Variants in CTNS observed in about 807,000 individuals in gnomAD.
The protein encoded by CTNS is cystinosin, lysosomal cystine transporter.
A neutral mutation model predicts 43.7 loss-of-function variants in CTNS; 27 were observed. That is an observed-to-expected ratio of 0.62 (90% CI 0.46 to 0.85). The LOEUF is 0.85. CTNS is among the 40% of genes least tolerant of loss of function. The pLI, the probability that CTNS is intolerant of heterozygous loss-of-function variation, is 0.00. For missense variants in CTNS, 457 were observed against 475.4 expected, an observed-to-expected ratio of 0.96 and a Z score of 0.36; for synonymous variants, 187 against 190.6, an observed-to-expected ratio of 0.98 and a Z score of 0.16.
rs1325554729 is a variant in CTNS, at chr17:3,656,711, C to T, written c.597C>T (p.Asn199=). 2.5e-6 allele frequency: 4 copies of T among 1,613,282 alleles called. No individual in the cohort carries two copies. The highest frequency in any genetic ancestry group is 3.4e-6 in the Non-Finnish European group (4 of 1,179,932). The change falls in exon 9 of 12, where the codon AAC becomes AAT. Residue 199 remains asparagine (N), a synonymous_variant. Transcript: ENST00000046640. ...QFLLKYPNGV[N]PVNSNDVFFS... is the part of the protein sequence containing the mutation. Reference sequence around the variant, plus strand: ...TCCTCAAATACCCCAACGGAGTGAACCCCGTGAACAGCAACGACGTCTTCT... The same window carrying T: ...TCCTCAAATACCCCAACGGAGTGAATCCCGTGAACAGCAACGACGTCTTCT...
Position 3,660,375 on chromosome 17 carries a change from A to AG in CTNS, c.*9dup. The AG allele has an allele frequency of 1.9e-6, 3 of 1,614,164 alleles. No homozygotes were observed. The highest frequency in any genetic ancestry group is 2.5e-6 in the Non-Finnish European group (3 of 1,180,044). ...GGTATGACCAGCTGAACTAGCACCC[A>AG]GGGACCCAGTGTACCCAGCCTCTGG... On this transcript the variant is annotated 3_prime_UTR_variant, in exon 12 of 12. Coordinates refer to ENST00000046640, the MANE Select transcript of CTNS (RefSeq NM_004937.3).
intron 4 of CTNS, among the ~76,000 whole-genome samples, chr17:3,648,497 TGCTG>T (rs2075898128): frequency 3.9e-5 from 6 of 152,214 alleles, no homozygotes; most frequent in Admixed American, 3.9e-4. Flanking sequence ...TTCAGTCAAA[TGCTG>T]GCCCTCACAC....
intron 7 of CTNS, chr17:3,655,580 A>G (rs1347055166): frequency 4.5e-6 from 2 of 449,282 alleles, no homozygotes; most frequent in South Asian, 3.9e-5. Flanking sequence ...GCAGGAAAAC[A>G]GGGAAAAGGG....
intron 6 of CTNS, 36 bp downstream of exon 6, chr17:3,655,137 CAAG>C (rs749212730): frequency 6.2e-7 from 1 of 1,613,870 alleles, no homozygotes; most frequent in Non-Finnish European, 8.5e-7. Flanking sequence ...CCTCACGTGA[CAAG>C]AAGGGGGCCG....
intron 9 of CTNS, 63 bp from the exon 10 acceptor site, chr17:3,657,942 C>A: frequency 6.3e-7 from 1 of 1,588,618 alleles, no homozygotes; most frequent in Non-Finnish European, 8.5e-7. Context: ...CCGGGGCCGT[C>A]CTTGCTCAGC....
rs371189196 is a variant in CTNS, at chr17:3,660,348, G to T, written c.1083G>T (p.Pro361=). The change falls in exon 12 of 12, where the codon CCG becomes CCT. Residue 361 remains proline, a synonymous_variant. Transcript: ENST00000046640. Reference sequence around the variant, plus strand: ...ACTTCTGTTTGTACAGAAAGAGACCGGGGTATGACCAGCTGAACTAGCACC... The same window carrying T: ...ACTTCTGTTTGTACAGAAAGAGACCTGGGTATGACCAGCTGAACTAGCACC... ...IQHFCLYRKR[P]GYDQLN 6.2e-7 allele frequency: 1 copy of T among 1,614,192 alleles called. No homozygotes were observed. The highest frequency in any genetic ancestry group is 8.5e-7 in the Non-Finnish European group (1 of 1,180,044).
chr17:3,637,788 C>T (rs2075573887), intron 2 of CTNS, among the ~76,000 whole-genome samples: 1 of 152,048 alleles, frequency 6.6e-6, no homozygotes, highest in Admixed American at 6.6e-5. Flanking sequence ...AATTTTAGTC[C>T]CACTTGACAA....
At chr17:3,640,561 C>G (rs143424493) in intron 3 of CTNS, among the ~76,000 whole-genome samples, 1 of 152,334 alleles carries the variant, frequency 6.6e-6, no homozygotes, top group East Asian at 1.9e-4. Flanking sequence ...AGCTGATTCT[C>G]AAAGTCAAAC....
chr17:3,645,150 C>T (rs1274478781), intron 3 of CTNS, among the ~76,000 whole-genome samples: 4 of 152,228 alleles, frequency 2.6e-5, no homozygotes. Flanking sequence ...AGAAGAAATC[C>T]TCAGAATGAC....
At chr17:3,647,252 C>T (rs1456279137) in intron 3 of CTNS, among the ~76,000 whole-genome samples, 192 bp from the exon 4 acceptor site, 1 of 152,232 alleles carries the variant, frequency 6.6e-6, no homozygotes, top group East Asian at 1.9e-4. Context: ...GCCTGTTTTC[C>T]TCCATCTCTG....
chr17:3,640,836 C>G (rs1324854181), intron 3 of CTNS, among the ~76,000 whole-genome samples: 1 of 152,088 alleles, frequency 6.6e-6, no homozygotes, highest in Non-Finnish European at 1.5e-5. Context: ...CCCAGGAAGT[C>G]AAGGCTACAG....
rs561691172 is a variant in CTNS, at chr17:3,646,326, T to C, written c.62-1118T>C. On this transcript the variant is annotated intron_variant, in intron 3 of 11. Coordinates refer to ENST00000046640, the MANE Select transcript of CTNS (RefSeq NM_004937.3). ...TTTTTTTTGAGATGGAGTCTCGCTCTGTTGCCCAGGCTGGAATGCAGTAGC... is the reference window on the plus strand; with the variant it reads ...TTTTTTTTGAGATGGAGTCTCGCTCCGTTGCCCAGGCTGGAATGCAGTAGC... Among the ~76,000 whole-genome samples the C allele has an allele frequency of 1.4e-4, 21 of 149,482 alleles. No individual in the cohort carries two copies. In the East Asian group the frequency reaches 3.8e-3, roughly 27 times the overall value.
chr17:3,659,565 T>C (rs1470568091), intron 10 of CTNS, among the ~76,000 whole-genome samples: 1 of 152,166 alleles, frequency 6.6e-6, no homozygotes, highest in African/African-American at 2.4e-5. Context: ...GCCCCAGGGA[T>C]GTGGAGGAGA....
intron 2 of CTNS, among the ~76,000 whole-genome samples, chr17:3,639,124 C>T (rs1224993086): frequency 6.6e-6 from 1 of 152,090 alleles, no homozygotes; most frequent in Non-Finnish European, 1.5e-5. Flanking sequence ...TCCACACAGA[C>T]CTTACCCAGA....
chr17:3,646,292 C>CTTTTT (rs35737682), intron 3 of CTNS, among the ~76,000 whole-genome samples: 2 of 137,238 alleles, frequency 1.5e-5, no homozygotes, highest in Admixed American at 7.5e-5. Flanking sequence ...GGTTTTCTTT[C>CTTTTT]TTTTTTTTTT....
chr17:3,651,763 A>C (rs1324174975), intron 5 of CTNS, among the ~76,000 whole-genome samples: 3 of 151,592 alleles, frequency 2.0e-5, no homozygotes, highest in African/African-American at 7.3e-5. Flanking sequence ...ACCTGAGGTC[A>C]GGAGTTCAAG....
chr17:3,658,198 A>G (rs1011588572), intron 10 of CTNS, 23 bp downstream of exon 10: 6 of 1,611,272 alleles, frequency 3.7e-6, no homozygotes, highest in Non-Finnish European at 2.5e-6. Flanking sequence ...CCCTGTTCAC[A>G]TGGCCGGTGG....
At chr17:3,653,919 ATGT>A (rs1053098819) in intron 5 of CTNS, among the ~76,000 whole-genome samples, 2 of 151,908 alleles carry the variant, frequency 1.3e-5, no homozygotes, top group African/African-American at 4.8e-5. Context: ...GGGAGATCAG[ATGT>A]TGTAGGCAGG....
rs769895002 is a variant in CTNS at position 3,660,016 on chromosome 17, G to T, written c.970+41G>T. ...GGCTGCTGGCCACCCTGCGGCTGGG[G>T]CATCGGGCGGGGCCAGCCTTCCCGG... On this transcript the variant is annotated intron_variant, in intron 11 of 11. Transcript: ENST00000046640. 22 of 1,551,756 alleles carry T rather than the reference G, an allele frequency of 1.4e-5. 1 individual carries two copies. The highest frequency in any genetic ancestry group is 1.9e-5 in the Non-Finnish European group (21 of 1,125,426).
Sources: gnomAD v4.1 joint callset for allele counts (sites outside exome capture counted in the v4.1 genomes callset) on GRCh38, gnomAD v4.1.1 for gene constraint, MANE v1.5 for transcripts, NCBI Gene and HGNC (gene_info 2026-07-23, HGNC 2026-07-21) for gene names.